The following WDFY4 variants were observed in gnomAD, a reference collection of about 807,000 sequenced individuals.
WDFY4 encodes the protein WD repeat- and FYVE domain-containing protein 4.
Under a neutral mutation model 351.9 loss-of-function variants are expected in WDFY4, and 169 were observed. The ratio of observed to expected loss-of-function variants is 0.48; its 90% CI spans 0.42 to 0.55. The LOEUF (loss-of-function observed/expected upper bound fraction) is 0.55. WDFY4 is among the 20% of genes least tolerant of loss of function. The pLI is 0.00. For synonymous variants in WDFY4, 1,622 were observed against 1,574.6 expected, an observed-to-expected ratio of 1.03 and a Z score of -0.71; for missense variants, 3,803 against 3,935.6, an observed-to-expected ratio of 0.97 and a Z score of 0.90.
intron 39 of WDFY4, among the ~76,000 whole-genome samples, chr10:48,854,807 A>C (rs967537348): frequency 2.0e-5 from 3 of 152,194 alleles, no homozygotes; most frequent in African/African-American, 7.2e-5. Flanking sequence ...GACAAGGCCT[A>C]TCCCTCTGCT....
Position 48,947,063 on chromosome 10 carries a change from C to T in WDFY4, c.7977+94C>T, listed in dbSNP as rs1453630924. 3.8e-6 allele frequency: 4 copies of T among 1,050,638 alleles called. No individual in the cohort carries two copies. The Admixed American group carries it at 9.2e-5, about 24-fold the overall frequency. The allele number at this position is 1,050,638 out of a possible 1,614,324, so 65.1% of individuals were successfully genotyped here. On this transcript the variant is annotated intron_variant, in intron 51 of 61. Transcript: ENST00000325239. ...ACTAAGACCTGTGCTTGAACAAAGA[C>T]AGGATGCCTCTGCTAAAAACTCAGT...
At chr10:48,806,178 GC>G in intron 27 of WDFY4, 83 bp downstream of exon 27, 1 of 1,405,316 alleles carries the variant, frequency 7.1e-7, no homozygotes, top group Non-Finnish European at 9.8e-7. Context: ...AGAGGGAGGG[GC>G]TAAGTAAGGA....
chr10:48,835,995 C>T (rs1258867509), intron 39 of WDFY4, among the ~76,000 whole-genome samples: 3 of 152,160 alleles, frequency 2.0e-5, no homozygotes, highest in Admixed American at 6.5e-5. Context: ...GGGATAGATG[C>T]TCCCCCTCCT....
At chr10:48,759,757 C>G (rs1421572376) in intron 12 of WDFY4, among the ~76,000 whole-genome samples, 2 of 152,200 alleles carry the variant, frequency 1.3e-5, no homozygotes, top group Non-Finnish European at 2.9e-5. Context: ...TTTTAGGCTA[C>G]CTGTGAGTTC....
intron 13 of WDFY4, among the ~76,000 whole-genome samples, chr10:48,763,195 A>C (rs367815401): frequency 6.6e-6 from 1 of 152,230 alleles, no homozygotes; most frequent in Non-Finnish European, 1.5e-5. Flanking sequence ...TCTTCACAGC[A>C]ACCTTTTGAA....
At chr10:48,981,020 G>A (rs998850331) in intron 60 of WDFY4, among the ~76,000 whole-genome samples, 2 of 152,204 alleles carry the variant, frequency 1.3e-5, no homozygotes, top group African/African-American at 4.8e-5. Flanking sequence ...CTGGCAGCAA[G>A]GTATTGTGGG....
chr10:48,723,841 A>G (rs1011057243), intron 5 of WDFY4, among the ~76,000 whole-genome samples: 1 of 151,960 alleles, frequency 6.6e-6, no homozygotes, highest in Admixed American at 6.5e-5. Context: ...GTCTGCCATC[A>G]CAGGATGTAA....
At chr10:48,948,259 T>C (rs1369038416) in intron 51 of WDFY4, among the ~76,000 whole-genome samples, 1 of 152,214 alleles carries the variant, frequency 6.6e-6, no homozygotes, top group Non-Finnish European at 1.5e-5. Context: ...ATAAATGTGC[T>C]TCCCCTGAGC....
rs1031482547 is a variant in WDFY4 at position 48,734,829 on chromosome 10, G to T, written c.1687+794G>T. 3.3e-5 allele frequency among the ~76,000 whole-genome samples: 5 copies of T among 150,852 alleles called. No homozygotes were observed. The East Asian group carries it at 9.7e-4, about 29-fold the overall frequency. Reference sequence around the variant, plus strand: ...TCTCACTCTGTCACCAGGCTGGAGTGCAGTGGCATGATCTTGGCTCACTGT... The same window carrying T: ...TCTCACTCTGTCACCAGGCTGGAGTTCAGTGGCATGATCTTGGCTCACTGT... On this transcript the variant is annotated intron_variant, in intron 10 of 61. Coordinates refer to ENST00000325239, the MANE Select transcript of WDFY4 (RefSeq NM_001394531.1).
At chr10:48,933,197 C>T (rs115248254) in intron 47 of WDFY4, among the ~76,000 whole-genome samples, 28 of 152,268 alleles carry the variant, frequency 1.8e-4, no homozygotes, top group South Asian at 6.2e-4. Flanking sequence ...GACCAGGCAA[C>T]GAGAAAACCC....
intron 35 of WDFY4, among the ~76,000 whole-genome samples, chr10:48,822,895 G>A (rs961190651): frequency 6.6e-6 from 1 of 152,234 alleles, no homozygotes; most frequent in African/African-American, 2.4e-5. Context: ...GGACCACAAA[G>A]GCCTTTGTCT....
At chr10:48,861,405 T>G (rs1184625742) in intron 39 of WDFY4, among the ~76,000 whole-genome samples, 2 of 152,192 alleles carry the variant, frequency 1.3e-5, no homozygotes, top group Non-Finnish European at 2.9e-5. Context: ...TCTCTTAATT[T>G]TACTTTATCT....
intron 49 of WDFY4, among the ~76,000 whole-genome samples, chr10:48,945,156 G>C (rs1840975985): frequency 6.6e-6 from 1 of 152,164 alleles, no homozygotes; most frequent in African/African-American, 2.4e-5. Flanking sequence ...CAGGAGGATT[G>C]CTTGAGCCCA....
chr10:48,870,556 GA>G (rs201718745), intron 40 of WDFY4, among the ~76,000 whole-genome samples: 9,610 of 122,752 alleles, frequency 0.078, 945 homozygotes, highest in African/African-American at 0.25. Context: ...CCTTGTCTCT[GA>G]AAAAAAAAAA....
At chr10:48,716,872 A>C (rs1464116517) in intron 2 of WDFY4, among the ~76,000 whole-genome samples, 1 of 152,206 alleles carries the variant, frequency 6.6e-6, no homozygotes, top group Non-Finnish European at 1.5e-5. Context: ...AGGGAGGGAA[A>C]TCATCTCGCC....
intron 1 of WDFY4, among the ~76,000 whole-genome samples, chr10:48,697,692 T>G (rs2063368467): frequency 1.3e-5 from 2 of 152,296 alleles, no homozygotes; most frequent in Admixed American, 6.5e-5. Flanking sequence ...TGGCTGTTCT[T>G]TCTTCTTCTC....
At chr10:48,795,444 C>G (rs1285570522) in intron 23 of WDFY4, among the ~76,000 whole-genome samples, 1 of 143,936 alleles carries the variant, frequency 6.9e-6, no homozygotes, top group Non-Finnish European at 1.5e-5. Context: ...CAACTTTTAG[C>G]CATCCTAATT....
intron 19 of WDFY4, among the ~76,000 whole-genome samples, chr10:48,782,551 T>G (rs1464955106): frequency 1.3e-5 from 2 of 152,074 alleles, no homozygotes; most frequent in African/African-American, 4.8e-5. Flanking sequence ...CTATATGGAG[T>G]GGCCAAAGCC....
chr10:48,946,836 C>T (rs760769195), intron 50 of WDFY4, 24 bp from the exon 51 acceptor site: 32 of 1,537,556 alleles, frequency 2.1e-5, no homozygotes, highest in Non-Finnish European at 2.6e-5. Flanking sequence ...GGAAGCAGCC[C>T]TCAAGCATGT....
Sources: gnomAD v4.1 joint callset for allele counts (sites outside exome capture counted in the v4.1 genomes callset) on GRCh38, gnomAD v4.1.1 for gene constraint, MANE v1.5 for transcripts, NCBI Gene and HGNC (gene_info 2026-07-23, HGNC 2026-07-21) for gene names.